The following NRXN3 variants were observed in gnomAD, a reference collection of about 807,000 sequenced individuals.
NRXN3 encodes neurexin 3, also known as neurexin III.
In NRXN3, 32 loss-of-function variants were observed where a neutral mutation model predicts 137.6. The ratio of observed to expected loss-of-function variants is 0.23; its 90% CI spans 0.18 to 0.31. The LOEUF is 0.31. NRXN3 is among the 10% of genes least tolerant of loss of function. The pLI, the probability that NRXN3 is intolerant of heterozygous loss-of-function variation, is 1.00. For missense variants in NRXN3, 1,574 were observed against 2,062.5 expected (o/e 0.76, Z 4.59); for synonymous variants, 798 against 784.5 (o/e 1.02, Z -0.29).
At chr14:78,843,152 G>A (rs1341718856) in intron 10 of NRXN3, among the ~76,000 whole-genome samples, 1 of 152,120 alleles carries the variant, frequency 6.6e-6, no homozygotes, top group African/African-American at 2.4e-5. Context: ...TTTATGTTCA[G>A]AGATTGCAGT....
chr14:79,213,022 T>G (rs934232899), intron 15 of NRXN3, among the ~76,000 whole-genome samples: 10 of 152,178 alleles, frequency 6.6e-5, no homozygotes, highest in African/African-American at 2.4e-4. Context: ...AGATACAATA[T>G]ATTTTTTTCG....
intron 4 of NRXN3, among the ~76,000 whole-genome samples, chr14:78,451,219 C>G (rs777937286): frequency 2.0e-5 from 3 of 152,176 alleles, no homozygotes; most frequent in Admixed American, 6.5e-5. Context: ...GTTATAGCAC[C>G]ACATGTGCCC....
At chr14:79,258,668 T>C (rs1408147266) in intron 15 of NRXN3, among the ~76,000 whole-genome samples, 3 of 152,206 alleles carry the variant, frequency 2.0e-5, no homozygotes, top group Non-Finnish European at 4.4e-5. Flanking sequence ...CAGTTTTATA[T>C]GGAAGAGAAA....
At chr14:79,083,420 A>G (rs1050540765) in intron 15 of NRXN3, among the ~76,000 whole-genome samples, 7 of 152,340 alleles carry the variant, frequency 4.6e-5, no homozygotes, top group Non-Finnish European at 1.0e-4. Context: ...ATAGAGCCCT[A>G]GAAATGAAGC....
intron 16 of NRXN3, among the ~76,000 whole-genome samples, chr14:79,504,658 T>TATATATATATATAC (rs1379419627): frequency 3.6e-5 from 5 of 139,056 alleles, no homozygotes; most frequent in African/African-American, 1.3e-4. Flanking sequence ...TATATATGTA[T>TATATATATATATAC]ATATATATAT....
intron 4 of NRXN3, among the ~76,000 whole-genome samples, chr14:78,582,586 C>G (rs550437398): frequency 1.3e-5 from 2 of 152,156 alleles, no homozygotes; most frequent in Non-Finnish European, 2.9e-5. Flanking sequence ...AACTTGCCCC[C>G]GTCTGTGTTT....
Position 78,456,803 on chromosome 14 carries a change from T to C in NRXN3, c.757+158943T>C, listed in dbSNP as rs142659588. Among the ~76,000 whole-genome samples the C allele has an allele frequency of 5.6e-3, 463 of 82,792 alleles. 2 individuals are homozygous for C. Among genetic ancestry groups the C allele is most frequent in the Middle Eastern group, 0.017 (3 of 176 alleles). 54.3% of individuals were successfully genotyped at this position (82,792 alleles called of 152,430 possible). A position where few individuals can be genotyped will look rare whatever the true frequency, so the allele number is the denominator to read the frequency against. On this transcript the variant is annotated intron_variant, in intron 4 of 20. Coordinates refer to ENST00000335750, the MANE Select transcript of NRXN3 (RefSeq NM_001330195.2). ...TCCCTTTCTCTCTCTCTTTCTCTCT[T>C]TCTTTCTTTCTTTCTTTCTTTCTTT...
intron 10 of NRXN3, among the ~76,000 whole-genome samples, chr14:78,914,758 G>A (rs1319218263): frequency 6.6e-6 from 1 of 152,078 alleles, no homozygotes; most frequent in Non-Finnish European, 1.5e-5. Context: ...TCTACTCTCA[G>A]GAATAACTGG....
intron 1 of NRXN3, among the ~76,000 whole-genome samples, chr14:78,229,273 ACTT>A (rs2065066639): frequency 1.4e-5 from 2 of 147,156 alleles, no homozygotes; most frequent in Non-Finnish European, 1.5e-5. Flanking sequence ...TTTGGGGTTT[ACTT>A]CTTTTTTTTT....
At chr14:78,807,995 A>G (rs924360396) in intron 9 of NRXN3, among the ~76,000 whole-genome samples, 1 of 151,942 alleles carries the variant, frequency 6.6e-6, no homozygotes, top group African/African-American at 2.4e-5. Context: ...TTAAAAAACC[A>G]CATATATAAA....
Position 79,309,759 on chromosome 14 carries a change from A to G in NRXN3, c.3263-157462A>G, listed in dbSNP as rs371834326. On this transcript the variant is annotated intron_variant, in intron 15 of 20. Coordinates refer to ENST00000335750, the MANE Select transcript of NRXN3 (RefSeq NM_001330195.2). ...TGAGAAGTGTCTGTTCATGTCCTTC[A>G]CCCACTTTTTGATGGGGTTGTTTGA... Among the ~76,000 whole-genome samples the G allele has an allele frequency of 4.0e-5, 6 of 148,922 alleles. No individual in the cohort carries two copies. In the East Asian group the frequency reaches 8.0e-4, roughly 20 times the overall value.
At chr14:78,314,530 G>A (rs1308258670) in intron 4 of NRXN3, among the ~76,000 whole-genome samples, 1 of 152,154 alleles carries the variant, frequency 6.6e-6, no homozygotes, top group African/African-American at 2.4e-5. Flanking sequence ...CGAGCTTGGA[G>A]GATTTTTCCT....
chr14:78,249,479 G>A lies in NRXN3; in HGVS notation c.709+5677G>A, dbSNP rs1451508346. Among the ~76,000 whole-genome samples, 3 of 152,246 alleles carry A rather than the reference G, an allele frequency of 2.0e-5. No homozygotes were observed. The East Asian group carries it at 5.8e-4, about 29-fold the overall frequency. On this transcript the variant is annotated intron_variant, in intron 2 of 20. Transcript: ENST00000335750. ...CTGGGTCCTCTTTCTCCTTCACAGG[G>A]CAGATGAGGTGGGGTGTGTGTTGCA...
chr14:78,300,744 A>C, intron 4 of NRXN3: 1 of 1,233,808 alleles, frequency 8.1e-7, no homozygotes, highest in Non-Finnish European at 1.1e-6. Context: ...CTTTTGAAAT[A>C]TTCATGCATC....
chr14:78,382,642 G>A (rs183221185), intron 4 of NRXN3, among the ~76,000 whole-genome samples: 7 of 152,274 alleles, frequency 4.6e-5, no homozygotes, highest in East Asian at 3.9e-4. Flanking sequence ...ACAATAGTGC[G>A]TGTTGCTTGC....
At chr14:79,683,015 G>A (rs182029491) in intron 17 of NRXN3, among the ~76,000 whole-genome samples, 84 of 152,158 alleles carry the variant, frequency 5.5e-4, no homozygotes, top group African/African-American at 1.6e-3. Flanking sequence ...CCCCTCACAC[G>A]GTGAGGAAAT....
intron 4 of NRXN3, among the ~76,000 whole-genome samples, chr14:78,547,246 G>A (rs752258382): frequency 2.0e-4 from 30 of 149,196 alleles, no homozygotes; most frequent in South Asian, 4.2e-4. Context: ...TCTCTCTGTC[G>A]CCCAGCCTGG....
At chr14:79,218,097 C>T (rs1426573464) in intron 15 of NRXN3, among the ~76,000 whole-genome samples, 1 of 152,112 alleles carries the variant, frequency 6.6e-6, no homozygotes, top group Admixed American at 6.6e-5. Flanking sequence ...GAAATATTGA[C>T]CCCATAATTG....
chr14:79,063,749 G>T (rs780007541), intron 15 of NRXN3, among the ~76,000 whole-genome samples: 2 of 152,070 alleles, frequency 1.3e-5, no homozygotes, highest in African/African-American at 2.4e-5. Flanking sequence ...CTGCTTCAGG[G>T]ATTGGCAACC....
Sources: gnomAD v4.1 joint callset for allele counts (sites outside exome capture counted in the v4.1 genomes callset) on GRCh38, gnomAD v4.1.1 for gene constraint, MANE v1.5 for transcripts, NCBI Gene and HGNC (gene_info 2026-07-23, HGNC 2026-07-21) for gene names.